SCUBE2: variants seen among roughly 807,000 people sequenced by gnomAD.
SCUBE2 encodes signal peptide, CUB domain and EGF like domain containing 2.
A neutral mutation model predicts 125.9 loss-of-function variants in SCUBE2; 114 were observed. That is an observed-to-expected ratio of 0.91 (90% CI 0.78 to 1.06). The LOEUF is 1.06. Ranked by LOEUF, SCUBE2 falls within the 50% of genes least tolerant of loss-of-function variation. SCUBE2 has a pLI of 0.00. For synonymous variants in SCUBE2, 459 were observed against 492.9 expected (o/e 0.93, Z 0.91); for missense variants, 1,255 against 1,301.8 (o/e 0.96, Z 0.55).
At chr11:9,071,926 C>T (rs1340954169) in intron 4 of SCUBE2, among the ~76,000 whole-genome samples, 1 of 151,860 alleles carries the variant, frequency 6.6e-6, no homozygotes, top group East Asian at 1.9e-4. Context: ...AAAGGCGGGC[C>T]GGGGGTGATG....
In SCUBE2 at chr11:9,027,380, C is replaced by CAGAT; in HGVS notation, c.2681_2684dup (p.Val896SerfsTer16). ...GAGACGCACAGGTTTTCCGCATCAC[C>CAGAT]AGATAGTCCCCACAGTCGTCCTCTA... On this transcript the variant is annotated frameshift_variant, in exon 20 of 23. Transcript: ENST00000649792. LOFTEE classifies it high-confidence loss of function. 6.2e-7 allele frequency: 1 copy of CAGAT among 1,614,016 alleles called. No homozygotes were observed. The highest frequency in any genetic ancestry group is 8.5e-7 in the Non-Finnish European group (1 of 1,179,992).
In SCUBE2 at chr11:9,047,485, C is replaced by T. The variant is rs72550810; in HGVS notation, c.1873G>A (p.Val625Ile). The T allele has an allele frequency of 3.7e-3, 6,049 of 1,613,874 alleles. 21 individuals carry two copies. Among genetic ancestry groups the T allele is most frequent in the Non-Finnish European group, 4.2e-3 (4,930 of 1,179,988 alleles). The change falls in exon 16 of 23, where the codon GTC (valine) becomes ATC (isoleucine). Residue 625 changes from valine (V) to isoleucine (I), a missense_variant. Physicochemically the swap from Val to Ile is conservative, Grantham distance 29 (BLOSUM62 3). Transcript: ENST00000649792. ...RKAIRTLRKA[V>I]HREQFHLQLS... Reference sequence around the variant, plus strand: ...TGGAGGTGAAACTGCTCCCTGTGGACGGCCTTTCTGAGCGTGCGGATGGCT... The same window carrying T: ...TGGAGGTGAAACTGCTCCCTGTGGATGGCCTTTCTGAGCGTGCGGATGGCT...
At chr11:9,055,216 G>C (rs1187924667) in intron 10 of SCUBE2, among the ~76,000 whole-genome samples, 2 of 152,208 alleles carry the variant, frequency 1.3e-5, no homozygotes, top group African/African-American at 4.8e-5. Flanking sequence ...TGGAGTGGGA[G>C]TTAGTTGGTA....
intron 2 of SCUBE2, among the ~76,000 whole-genome samples, chr11:9,087,422 G>A (rs922882918): frequency 6.6e-6 from 1 of 152,186 alleles, no homozygotes; most frequent in Non-Finnish European, 1.5e-5. Context: ...ACAGCAAATA[G>A]AATATTTAAT....
At chr11:9,089,571 A>G in intron 2 of SCUBE2, 136 bp downstream of exon 2, 2 of 920,432 alleles carry the variant, frequency 2.2e-6, no homozygotes, top group Middle Eastern at 2.2e-4. Context: ...TATTTCAGAG[A>G]GCAGGTGATG....
intron 16 of SCUBE2, among the ~76,000 whole-genome samples, chr11:9,045,991 G>GTCTT (rs1349446864): frequency 1.4e-5 from 2 of 145,584 alleles, no homozygotes; most frequent in African/African-American, 5.0e-5. Flanking sequence ...TCTACTGAGT[G>GTCTT]TCTTTCTTTC....
intron 2 of SCUBE2, among the ~76,000 whole-genome samples, chr11:9,083,498 C>A (rs576649227): frequency 6.6e-6 from 1 of 151,946 alleles, no homozygotes; most frequent in African/African-American, 2.4e-5. Flanking sequence ...AGATAATGAG[C>A]GCCAGATTTC....
At chr11:9,034,936 G>T (rs916119739) in intron 16 of SCUBE2, among the ~76,000 whole-genome samples, 2 of 152,140 alleles carry the variant, frequency 1.3e-5, no homozygotes, top group African/African-American at 2.4e-5. Context: ...CGCGGAGGTT[G>T]CAATGGGCCG....
intron 14 of SCUBE2, 67 bp downstream of exon 14, chr11:9,050,539 C>T: frequency 1.6e-6 from 2 of 1,272,766 alleles, no homozygotes; most frequent in East Asian, 2.3e-5. Context: ...GGACCTCCAG[C>T]TCGGCTGGCT....
At chr11:9,067,137 C>G (rs1186853283) in intron 5 of SCUBE2, among the ~76,000 whole-genome samples, 1 of 152,184 alleles carries the variant, frequency 6.6e-6, no homozygotes, top group Non-Finnish European at 1.5e-5. Flanking sequence ...TTTGTTCTAT[C>G]TAGAGAAGTT....
chr11:9,047,953 CT>C lies in SCUBE2; in HGVS notation c.1784del (p.Lys595ArgfsTer3), dbSNP rs1857969525. 6.2e-7 allele frequency: 1 copy of C among 1,611,348 alleles called. No individual in the cohort carries two copies. The highest frequency in any genetic ancestry group is 1.3e-5 in the African/African-American group (1 of 74,774). On this transcript the variant is annotated frameshift_variant, in exon 15 of 23. Transcript: ENST00000649792. LOFTEE classifies it high-confidence loss of function. ...TVEFELETNQ[K>X]EVTASCDLSC... The stretch of plus-strand genomic sequence containing the variant: ...TGTTTTCAAACCAACCTGTCACCTC[CT>C]TTTGGTTAGTTTCAAGCTCAAACTC...
intron 9 of SCUBE2, among the ~76,000 whole-genome samples, chr11:9,057,040 A>G (rs2135534199): frequency 6.6e-6 from 1 of 152,288 alleles, no homozygotes; most frequent in African/African-American, 2.4e-5. Flanking sequence ...TTCTACCAAG[A>G]CCGATCAGTG....
intron 8 of SCUBE2, 128 bp from the exon 9 acceptor site, chr11:9,059,553 G>A: frequency 8.3e-7 from 1 of 1,205,206 alleles, no homozygotes; most frequent in Non-Finnish European, 1.1e-6. Flanking sequence ...AAGCATTTAA[G>A]AATGTTTGCT....
chr11:9,059,410 T>A lies in SCUBE2; in HGVS notation c.983A>T (p.Gln328Leu). 6.2e-7 allele frequency: 1 copy of A among 1,614,192 alleles called. No homozygotes were observed. Among genetic ancestry groups the A allele is most frequent in the Non-Finnish European group, 8.5e-7 (1 of 1,180,016 alleles). ...ATGATCACAACCTCCATTGCGGGTC[T>A]GGCACTCATCAATATCTGCAACAGG... ...GKTCKDIDEC[Q>L]TRNGGCDHFC... Residue 328 changes from glutamine to leucine, a missense_variant, in exon 9 of 23, where the codon CAG becomes CTG. Physicochemically the swap from Gln to Leu is moderately radical, Grantham distance 113. This residue lies in a region of SCUBE2 where 378 missense variants were observed against 463.1 expected (regional missense o/e 0.82). Coordinates refer to ENST00000649792, the MANE Select transcript of SCUBE2 (RefSeq NM_001367977.2).
chr11:9,068,830 C>T (rs1860505790), intron 5 of SCUBE2, among the ~76,000 whole-genome samples: 1 of 152,148 alleles, frequency 6.6e-6, no homozygotes, highest in South Asian at 2.1e-4. Context: ...AGCCTTTGCA[C>T]AAAATAAATT....
At chr11:9,081,684 A>AC (rs1489488493) in intron 2 of SCUBE2, among the ~76,000 whole-genome samples, 80 of 151,904 alleles carry the variant, frequency 5.3e-4, no homozygotes, top group East Asian at 9.7e-4. Context: ...AAAAAAAAAA[A>AC]ACCAAAAATA....
chr11:9,049,463 C>G (rs1449758955), intron 14 of SCUBE2, among the ~76,000 whole-genome samples: 2 of 151,984 alleles, frequency 1.3e-5, no homozygotes, highest in East Asian at 3.9e-4. Context: ...CCAGGCCGCT[C>G]CTGAACTCCT....
intron 10 of SCUBE2, among the ~76,000 whole-genome samples, chr11:9,054,570 A>G (rs1858804864): frequency 6.6e-6 from 1 of 151,524 alleles, no homozygotes; most frequent in Non-Finnish European, 1.5e-5. Flanking sequence ...CTAAACCCAG[A>G]CATACATCCA....
chr11:9,081,142 G>A lies in SCUBE2; in HGVS notation c.257-1633C>T, dbSNP rs1376734555. Among the ~76,000 whole-genome samples, 9 of 152,344 alleles carry A rather than the reference G, an allele frequency of 5.9e-5. No individual in the cohort carries two copies. In the South Asian group the frequency reaches 1.9e-3, roughly 32 times the overall value. ...ATGGGAACACATACATTGTTGACAG[G>A]ATGTTGATGGGTATGTAAAACGGCA... is the stretch of plus-strand genomic sequence containing the variant. On this transcript the variant is annotated intron_variant, in intron 2 of 22. Coordinates refer to ENST00000649792, the MANE Select transcript of SCUBE2 (RefSeq NM_001367977.2).
Sources: gnomAD v4.1 joint callset for allele counts (sites outside exome capture counted in the v4.1 genomes callset) on GRCh38, gnomAD v4.1.1 for gene constraint, gnomAD v4.1.1 regional missense constraint, MANE v1.5 for transcripts, NCBI Gene and HGNC (gene_info 2026-07-23, HGNC 2026-07-21) for gene names.